The following LAMB1 variants were observed in gnomAD, a reference collection of about 807,000 sequenced individuals.
The protein encoded by LAMB1 is laminin subunit beta 1, also known as laminin subunit beta-1.
LAMB1 carries 121 observed loss-of-function variants against 222.3 expected under a neutral mutation model. The observed-to-expected ratio is 0.54, with a 90% CI of 0.47 to 0.63. LAMB1 has a LOEUF of 0.63. Among genes scored for constraint, LAMB1 ranks in the 30% least tolerant of loss-of-function variants. The probability of loss-of-function intolerance (pLI) is 0.00; values close to 1 mark genes in which losing one functional copy is unlikely to be tolerated. For synonymous variants in LAMB1, 794 were observed against 807.2 expected (o/e 0.98, Z 0.28); for missense variants, 2,172 against 2,240.8 (o/e 0.97, Z 0.62).
In LAMB1 at chr7:107,959,787, T is replaced by G; in HGVS notation, c.2362A>C (p.Asn788His). The G allele has an allele frequency of 6.2e-7, 1 of 1,614,078 alleles. No homozygotes were observed. The highest frequency in any genetic ancestry group is 8.5e-7 in the Non-Finnish European group (1 of 1,179,978). Residue 788 changes from asparagine (N) to histidine (H), a missense_variant, in exon 19 of 34, where the codon AAC becomes CAC. Transcript: ENST00000222399. The stretch of plus-strand genomic sequence containing the variant: ...GGCCGGCACTGGCACTGGCCTCCGT[T>G]GGGATCACACACGGAACTTAACGAA... ...QGSLSSVCDP[N>H]GGQCQCRPNV...
intron 31 of LAMB1, among the ~76,000 whole-genome samples, chr7:107,926,829 CT>C (rs1375880253): frequency 6.6e-6 from 1 of 152,008 alleles, no homozygotes; most frequent in Admixed American, 6.6e-5. Context: ...GACATGGAGA[CT>C]AGGGATGTTC....
chr7:107,975,583 A>G lies in LAMB1; in HGVS notation c.1189+106T>C, dbSNP rs1348995349. On this transcript the variant is annotated intron_variant, in intron 10 of 33. Coordinates refer to ENST00000222399, the MANE Select transcript of LAMB1 (RefSeq NM_002291.3). ...GTCTTCAACTGCAATTACAATAACA[A>G]TGCTGGCTTTACTGCTCATACTATG... The G allele has an allele frequency of 7.7e-6, 10 of 1,294,074 alleles. No individual in the cohort carries two copies. The Admixed American group carries it at 2.0e-4, about 26-fold the overall frequency. The allele number at this position is 1,294,074 out of a possible 1,614,324, so 80.2% of individuals were successfully genotyped here.
intron 5 of LAMB1, among the ~76,000 whole-genome samples, chr7:107,990,337 G>C (rs143520731): frequency 4.5e-4 from 68 of 152,242 alleles, no homozygotes; most frequent in African/African-American, 1.5e-3. Context: ...ACTATGCCTG[G>C]CCAAGAGTTA....
intron 15 of LAMB1, among the ~76,000 whole-genome samples, chr7:107,961,894 C>T (rs1277713441): frequency 1.3e-5 from 2 of 152,180 alleles, no homozygotes; most frequent in Non-Finnish European, 1.5e-5. Flanking sequence ...TGCCTCTTCC[C>T]AATGTCCCTT....
At chr7:107,940,453 G>T in intron 24 of LAMB1, 95 bp from the exon 25 acceptor site, 1 of 1,348,260 alleles carries the variant, frequency 7.4e-7, no homozygotes, top group Non-Finnish European at 1.0e-6. Context: ...TGTGAAAATG[G>T]GAAGGTGTCA....
In LAMB1 at chr7:107,952,136, C is replaced by G; in HGVS notation, c.3167G>C (p.Cys1056Ser). 1 of 1,614,094 alleles carries G rather than the reference C, an allele frequency of 6.2e-7. No individual in the cohort carries two copies. Among genetic ancestry groups the G allele is most frequent in the South Asian group, 1.1e-5 (1 of 91,024 alleles). The change falls in exon 23 of 34, where the codon TGT becomes TCT. Residue 1056 changes from cysteine to serine, a missense_variant. Physicochemically the swap from Cys to Ser is moderately radical, Grantham distance 112. Transcript: ENST00000222399. ...QCDKATGQCLCLPNVIGQNCD... is the reference protein window; with the variant it reads ...QCDKATGQCLSLPNVIGQNCD... ...GTTCTGCCCGATCACATTAGGAAGA[C>G]ACAAGCACTGACCAGTGGCTTTGTC...
chr7:107,962,759 C>T (rs2033537122), intron 15 of LAMB1, 146 bp downstream of exon 15: 6 of 484,568 alleles, frequency 1.2e-5, no homozygotes, highest in Non-Finnish European at 1.7e-5. Context: ...ATTTTAACTT[C>T]CATGGAGGAG....
chr7:107,975,510 A>G lies in LAMB1; in HGVS notation c.1190-97T>C, dbSNP rs367573775. 4.3e-5 allele frequency: 57 copies of G among 1,325,786 alleles called. No individual in the cohort carries two copies. In the East Asian group the frequency reaches 9.2e-4, roughly 21 times the overall value. 82.1% of individuals were successfully genotyped at this position (1,325,786 alleles called of 1,614,324 possible). On this transcript the variant is annotated intron_variant, in intron 10 of 33. Transcript: ENST00000222399. ...TCCCTTCCTCCCTCTAAATCTCACAAAAGTCGACTAAAAGCAGCACAACTA... is the reference window on the plus strand; with the variant it reads ...TCCCTTCCTCCCTCTAAATCTCACAGAAGTCGACTAAAAGCAGCACAACTA...
chr7:107,974,327 TAATC>T (rs369355474), intron 12 of LAMB1, among the ~76,000 whole-genome samples: 119 of 152,070 alleles, frequency 7.8e-4, no homozygotes, highest in African/African-American at 2.8e-3. Flanking sequence ...ATTTCCTACT[TAATC>T]AAGATACTAT....
chr7:107,998,989 G>A (rs1344435586), intron 3 of LAMB1, among the ~76,000 whole-genome samples: 4 of 152,234 alleles, frequency 2.6e-5, no homozygotes, highest in Non-Finnish European at 5.9e-5. Flanking sequence ...CACAGAACAA[G>A]ATTTCTTCGT....
chr7:107,978,835 T>A (rs1247587115), intron 8 of LAMB1, among the ~76,000 whole-genome samples: 1 of 152,240 alleles, frequency 6.6e-6, no homozygotes, highest in East Asian at 1.9e-4. Context: ...TGTGTCACTG[T>A]AAGGCACACT....
chr7:107,966,146 T>C (rs1251925968), intron 13 of LAMB1, among the ~76,000 whole-genome samples: 2 of 152,112 alleles, frequency 1.3e-5, no homozygotes, highest in African/African-American at 2.4e-5. Flanking sequence ...TGCCGCAGCA[T>C]AGCTGAAGTC....
chr7:107,955,685 T>A (rs1268094290), intron 20 of LAMB1, 55 bp from the exon 21 acceptor site: 1 of 1,508,112 alleles, frequency 6.6e-7, no homozygotes, highest in Non-Finnish European at 8.9e-7. Flanking sequence ...AAGAAACCTG[T>A]TCCAAGGAAA....
In LAMB1 at chr7:107,959,765, C is replaced by CGGCACT. The variant is rs1465500521; in HGVS notation, c.2378_2383dup (p.Gln793_Cys794dup). 3.1e-6 allele frequency: 5 copies of CGGCACT among 1,614,082 alleles called. No individual in the cohort carries two copies. Among genetic ancestry groups the CGGCACT allele is most frequent in the Non-Finnish European group, 2.5e-6 (3 of 1,179,992 alleles). ...GCAGGTTCTTCCAACCACGTTGGGC[C>CGGCACT]GGCACTGGCACTGGCCTCCGTTGGG... On this transcript the variant is annotated inframe_insertion, in exon 19 of 34. Transcript: ENST00000222399.
Position 108,001,539 on chromosome 7 carries a change from C to G in LAMB1, c.213+19G>C, listed in dbSNP as rs1239249861. The G allele has an allele frequency of 1.3e-6, 2 of 1,575,346 alleles. No individual in the cohort carries two copies. Among genetic ancestry groups the G allele is most frequent in the African/African-American group, 2.7e-5 (2 of 74,386 alleles). ...GAGGAGGCGCTAGCAGAGCCTCGAA[C>G]CCCGCTCTCAGCCCTCACCTGCAAG... On this transcript the variant is annotated intron_variant, in intron 3 of 33. Coordinates refer to ENST00000222399, the MANE Select transcript of LAMB1 (RefSeq NM_002291.3).
At position 107,935,281 on chromosome 7, in the gene LAMB1, G is replaced by T. The variant is rs1316937819; in HGVS notation, c.4188+134C>A. 2.9e-6 allele frequency: 4 copies of T among 1,357,238 alleles called. No individual in the cohort carries two copies. The African/African-American group carries it at 5.9e-5, about 20-fold the overall frequency. 84.1% of individuals were successfully genotyped at this position (1,357,238 alleles called of 1,614,324 possible). On this transcript the variant is annotated intron_variant, in intron 27 of 33. Coordinates refer to ENST00000222399, the MANE Select transcript of LAMB1 (RefSeq NM_002291.3). ...AGGATCCAGAGACCTCAGCCTAGGA[G>T]TTTCAGTCCTGCTGATTCATTTGCA...
intron 9 of LAMB1, among the ~76,000 whole-genome samples, chr7:107,976,662 T>C (rs1024046405): frequency 6.6e-6 from 1 of 152,150 alleles, no homozygotes; most frequent in Non-Finnish European, 1.5e-5. Context: ...ACATCCTTGG[T>C]GCCCAACAGA....
In LAMB1 at chr7:107,924,040, C is replaced by A. The variant is rs201165389; in HGVS notation, c.5272G>T (p.Ala1758Ser). 1.3e-6 allele frequency: 2 copies of A among 1,583,672 alleles called. No homozygotes were observed. Among genetic ancestry groups the A allele is most frequent in the African/African-American group, 2.7e-5 (2 of 72,846 alleles). ...CCTTCCAGTCTTGCTAATTCTTGAG[C>A]TTTATCTTCTAAGTATCTTTGATTG... ...EDNQRYLEDK[A>S]QELARLEGEV... is the part of the protein sequence containing the mutation. The change falls in exon 34 of 34, where the codon GCT (alanine) becomes TCT (serine). Residue 1758 changes from alanine (A) to serine (S), a missense_variant. Coordinates refer to ENST00000222399, the MANE Select transcript of LAMB1 (RefSeq NM_002291.3).
chr7:107,973,656 ATTTT>A (rs986623961), intron 12 of LAMB1, among the ~76,000 whole-genome samples: 1 of 151,952 alleles, frequency 6.6e-6, no homozygotes, highest in Non-Finnish European at 1.5e-5. Flanking sequence ...TATTTTATTT[ATTTT>A]TTTGAGATGA....
Sources: allele counts gnomAD v4.1 joint callset (sites outside exome capture counted in the v4.1 genomes callset), GRCh38; gene constraint gnomAD v4.1.1; transcripts MANE v1.5; gene names NCBI Gene and HGNC (gene_info 2026-07-23, HGNC 2026-07-21).